HTT: variants seen among roughly 807,000 people sequenced by gnomAD.
HTT encodes the protein huntington disease protein.
A neutral mutation model predicts 362.3 loss-of-function variants in HTT; 104 were observed. The observed-to-expected ratio is 0.29, with a 90% CI of 0.24 to 0.34. The LOEUF is 0.34. Ranked by LOEUF, HTT falls within the 10% of genes least tolerant of loss-of-function variation. HTT has a pLI of 1.00. For missense variants in HTT, 3,301 were observed against 3,928.6 expected (o/e 0.84, Z 4.27); for synonymous variants, 1,577 against 1,548.7 (o/e 1.02, Z -0.43).
At chr4:3,098,792 A>G (rs1323751014) in intron 2 of HTT, among the ~76,000 whole-genome samples, 1 of 152,194 alleles carries the variant, frequency 6.6e-6, no homozygotes, top group Non-Finnish European at 1.5e-5. Flanking sequence ...GGAGAGATAG[A>G]CTGCTGAACT....
chr4:3,128,885 T>G, intron 12 of HTT: 1 of 152,226 alleles, frequency 6.6e-6, no homozygotes. Flanking sequence ...CTCTGTAACC[T>G]TTTGATCATG....
intron 64 of HTT, among the ~76,000 whole-genome samples, chr4:3,237,823 CAG>C (rs1721611092): frequency 6.6e-6 from 1 of 152,098 alleles, no homozygotes; most frequent in Admixed American, 6.6e-5. Flanking sequence ...GGATACTGCT[CAG>C]GGGGCGTGTT....
intron 2 of HTT, among the ~76,000 whole-genome samples, chr4:3,098,111 T>C (rs1227564265): frequency 6.6e-6 from 1 of 152,270 alleles, no homozygotes; most frequent in Non-Finnish European, 1.5e-5. Flanking sequence ...GTAGCTCACA[T>C]TCTGTTTCTG....
intron 26 of HTT, among the ~76,000 whole-genome samples, chr4:3,153,155 C>T (rs537113791): frequency 1.3e-5 from 2 of 152,228 alleles, no homozygotes; most frequent in Admixed American, 1.3e-4. Flanking sequence ...CCAGGACTTT[C>T]GCCTTGCCCT....
rs200827958 is a variant in HTT at position 3,198,518 on chromosome 4, C to A, written c.5369-1214C>A. Among the ~76,000 whole-genome samples the A allele has an allele frequency of 1.3e-4, 20 of 152,322 alleles. No homozygotes were observed. The East Asian group carries it at 3.9e-3, about 29-fold the overall frequency. ...GTGATTATAGGCGTGAGCCACCACA[C>A]CCGGCCTGAAATTTAAATCAGAAAT... On this transcript the variant is annotated intron_variant, in intron 40 of 66. Transcript: ENST00000355072.
At chr4:3,188,112 T>TGCTA (rs1237349255) in intron 39 of HTT, 5 of 451,800 alleles carry the variant, frequency 1.1e-5, no homozygotes, top group African/African-American at 6.0e-5. Context: ...TCAGTAGAGA[T>TGCTA]GCTACAGCAG....
intron 26 of HTT, among the ~76,000 whole-genome samples, chr4:3,151,436 G>T (rs141526909): frequency 6.6e-6 from 1 of 152,116 alleles, no homozygotes; most frequent in Non-Finnish European, 1.5e-5. Flanking sequence ...GCCTGTAGGG[G>T]GAGTTGCTAC....
chr4:3,140,653 C>T lies in HTT; in HGVS notation c.2942C>T (p.Thr981Ile), dbSNP rs1421316844. The change falls in exon 22 of 67, where the codon ACC (threonine) becomes ATC (isoleucine). Residue 981 changes from threonine to isoleucine, a missense_variant. Physicochemically the swap from Thr to Ile is moderately conservative, Grantham distance 89. Around this residue, in one of 4 missense-constraint regions of HTT, gnomAD observed 2,316 missense variants for 2,658.5 expected, o/e 0.87. Transcript: ENST00000355072. ...PPSHFSVSTITRIYRGYNLLP... is the reference protein window; with the variant it reads ...PPSHFSVSTIIRIYRGYNLLP... ...TCTCATTTCTCCGTCAGCACAATAA[C>T]CAGGTATGCTGACCCAGTGGCATCT... 1 of 1,613,790 alleles carries T rather than the reference C, an allele frequency of 6.2e-7. No homozygotes were observed. The highest frequency in any genetic ancestry group is 8.5e-7 in the Non-Finnish European group (1 of 1,179,754).
rs371462947 is a variant in HTT, at chr4:3,132,633, A to G, written c.2308A>G (p.Ile770Val). The G allele has an allele frequency of 6.2e-6, 10 of 1,613,972 alleles. No homozygotes were observed. The highest frequency in any genetic ancestry group is 2.2e-5 in the East Asian group (1 of 44,890). Residue 770 changes from isoleucine to valine, a missense_variant, in exon 17 of 67, where the codon ATT becomes GTT. Coordinates refer to ENST00000355072, the MANE Select transcript of HTT (RefSeq NM_001388492.1). Reference sequence around the variant, plus strand: ...CCCACAGGTTCGAGGAGCCACTGCCATTCTCTGTGGGACCCTCATCTGCTC... The same window carrying G: ...CCCACAGGTTCGAGGAGCCACTGCCGTTCTCTGTGGGACCCTCATCTGCTC... ...GDPQVRGATA[I>V]LCGTLICSIL...
At chr4:3,121,665 C>A in intron 9 of HTT, 4 of 215,498 alleles carry the variant, frequency 1.9e-5, no homozygotes, top group Non-Finnish European at 3.4e-5. Context: ...GAGTTTGAGA[C>A]AACCTGGCCA....
intron 33 of HTT, among the ~76,000 whole-genome samples, chr4:3,177,070 T>C (rs190258699): frequency 1.5e-4 from 23 of 152,320 alleles, no homozygotes; most frequent in Admixed American, 1.4e-3. Context: ...TAATTTTGGG[T>C]ATTGTCTGAT....
rs567095920 is a variant in HTT at position 3,114,257 on chromosome 4, G to A, written c.748-1047G>A. ...CGGTTTTCCACCCTGGGTGGGCCAG[G>A]TGTTCCTTGCCCTCATTCCTGTCAA... On this transcript the variant is annotated intron_variant, in intron 6 of 66. Transcript: ENST00000355072. 3.3e-5 allele frequency among the ~76,000 whole-genome samples: 5 copies of A among 152,340 alleles called. No individual in the cohort carries two copies. In the South Asian group the frequency reaches 1.0e-3, roughly 32 times the overall value.
At chr4:3,080,945 C>G in intron 1 of HTT, among the ~76,000 whole-genome samples, 1 of 152,202 alleles carries the variant, frequency 6.6e-6, no homozygotes, top group East Asian at 1.9e-4. Flanking sequence ...ACCTGTTGGT[C>G]TTTATGTCGA....
At chr4:3,157,285 G>T in intron 28 of HTT, 86 bp downstream of exon 28, 1 of 1,279,374 alleles carries the variant, frequency 7.8e-7, no homozygotes, top group South Asian at 1.3e-5. Flanking sequence ...TGATTTGTAG[G>T]ATGTATAAGC....
intron 29 of HTT, 80 bp from the exon 30 acceptor site, chr4:3,172,240 G>A (rs1478025422): frequency 1.2e-6 from 1 of 834,166 alleles, no homozygotes; most frequent in African/African-American, 1.7e-5. Context: ...AAGTTATCTT[G>A]TACCTTCAAT....
At chr4:3,083,167 C>T (rs897403628) in intron 1 of HTT, among the ~76,000 whole-genome samples, 4 of 152,030 alleles carry the variant, frequency 2.6e-5, no homozygotes, top group Non-Finnish European at 4.4e-5. Context: ...TAGAGACGAG[C>T]GTCTTGTGCA....
At position 3,173,344 on chromosome 4, in the gene HTT, G is replaced by A. The variant is rs556063204; in HGVS notation, c.4166+213G>A. 416 of 564,134 alleles carry A rather than the reference G, an allele frequency of 7.4e-4. 7 individuals are homozygous for A. The Middle Eastern group carries it at 0.012, about 16-fold the overall frequency. The allele number at this position is 564,134 out of a possible 1,614,324, so 34.9% of individuals were successfully genotyped here. On this transcript the variant is annotated intron_variant, in intron 31 of 66. Coordinates refer to ENST00000355072, the MANE Select transcript of HTT (RefSeq NM_001388492.1). ...AAGTGTGTGGCCAGTGAGTGAGATG[G>A]GCTTGGGACTTACACATCTCAGAGG... is the stretch of plus-strand genomic sequence containing the variant.
At chr4:3,194,860 G>A (rs912706677) in intron 40 of HTT, among the ~76,000 whole-genome samples, 18 of 152,162 alleles carry the variant, frequency 1.2e-4, no homozygotes, top group Admixed American at 1.1e-3. Context: ...GTTCATGCTT[G>A]GGGAAAGGAC....
At chr4:3,085,850 GA>G (rs1713178879) in intron 1 of HTT, among the ~76,000 whole-genome samples, 1 of 152,192 alleles carries the variant, frequency 6.6e-6, no homozygotes, top group African/African-American at 2.4e-5. Context: ...GAAGACATCT[GA>G]AGCCATAGGT....
Sources: allele counts gnomAD v4.1 joint callset (sites outside exome capture counted in the v4.1 genomes callset), GRCh38; gene constraint gnomAD v4.1.1; regional missense constraint gnomAD v4.1.1; transcripts MANE v1.5; gene names NCBI Gene and HGNC (gene_info 2026-07-23, HGNC 2026-07-21).